Variants in SGCZ observed in about 807,000 individuals in gnomAD.
The protein encoded by SGCZ is sarcoglycan zeta.
Under a neutral mutation model 41.3 loss-of-function variants are expected in SGCZ, and 40 were observed. The observed-to-expected ratio is 0.97, with a 90% CI of 0.75 to 1.26. SGCZ has a LOEUF of 1.26. SGCZ is among the 50% of genes most tolerant of loss of function. The pLI, the probability that SGCZ is intolerant of heterozygous loss-of-function variation, is 0.00. For synonymous variants in SGCZ, 206 were observed against 137.5 expected, an observed-to-expected ratio of 1.50 and a Z score of -3.49; for missense variants, 552 against 369.8, an observed-to-expected ratio of 1.49 and a Z score of -4.04.
intron 7 of SGCZ, among the ~76,000 whole-genome samples, chr8:14,097,025 TTG>T (rs1304247221): frequency 6.6e-6 from 1 of 152,036 alleles, no homozygotes; most frequent in Non-Finnish European, 1.5e-5. Flanking sequence ...GCGGTCTATT[TTG>T]TTGATCTTTT....
Position 14,822,943 on chromosome 8 carries a change from G to A in SGCZ, c.40-268017C>T, listed in dbSNP as rs576147734. ...GTGCCATGCCACTATAACCCCAGCT[G>A]CTTGGCTGGCTGAGGCAGGAGAATT... is the stretch of plus-strand genomic sequence containing the variant. On this transcript the variant is annotated intron_variant, in intron 1 of 7. Coordinates refer to ENST00000382080, the MANE Select transcript of SGCZ (RefSeq NM_139167.4). Among the ~76,000 whole-genome samples, 5 of 151,522 alleles carry A rather than the reference G, an allele frequency of 3.3e-5. No individual in the cohort carries two copies. In the South Asian group the frequency reaches 1.0e-3, roughly 32 times the overall value.
intron 4 of SGCZ, among the ~76,000 whole-genome samples, chr8:14,209,098 G>C (rs1270650420): frequency 2.0e-5 from 3 of 152,208 alleles, no homozygotes; most frequent in Non-Finnish European, 2.9e-5. Context: ...CATGTATATA[G>C]TAAGAAGCAG....
chr8:14,184,117 G>A (rs1443629437), intron 4 of SGCZ, among the ~76,000 whole-genome samples: 1 of 152,046 alleles, frequency 6.6e-6, no homozygotes, highest in Non-Finnish European at 1.5e-5. Context: ...TTTATTCCAC[G>A]AGTAACAAAG....
intron 1 of SGCZ, among the ~76,000 whole-genome samples, chr8:14,661,022 T>C (rs1430459566): frequency 1.3e-5 from 2 of 152,176 alleles, no homozygotes; most frequent in Non-Finnish European, 2.9e-5. Context: ...AGCAGCTATA[T>C]TTAGAGGGTT....
rs539755754 is a variant in SGCZ, at chr8:14,594,645, C to T, written c.40-39719G>A. Among the ~76,000 whole-genome samples the T allele has an allele frequency of 5.1e-4, 78 of 151,836 alleles. 1 individual carries two copies. The highest frequency in any genetic ancestry group is 9.1e-4 in the Non-Finnish European group (62 of 67,988). On this transcript the variant is annotated intron_variant, in intron 1 of 7. Transcript: ENST00000382080. ...TTCTCCTAATTGATGTATTTATTTG[C>T]GACTTTTCAGGCACTCTAAAAGGGC...
intron 1 of SGCZ, among the ~76,000 whole-genome samples, chr8:15,084,181 T>A (rs1805864643): frequency 6.6e-6 from 1 of 152,224 alleles, no homozygotes; most frequent in South Asian, 2.1e-4. Context: ...TCTGTTAATG[T>A]TCTTCAGATC....
rs576034333 is a variant in SGCZ, at chr8:14,668,328, A to T, written c.40-113402T>A. 3.3e-5 allele frequency among the ~76,000 whole-genome samples: 5 copies of T among 151,876 alleles called. No individual in the cohort carries two copies. The East Asian group carries it at 9.7e-4, about 29-fold the overall frequency. On this transcript the variant is annotated intron_variant, in intron 1 of 7. Transcript: ENST00000382080. Reference sequence around the variant, plus strand: ...AATCTCTGTGGTGATTATATCCCACACTTGAATATATGGTTTTTTCAGTCA... The same window carrying T: ...AATCTCTGTGGTGATTATATCCCACTCTTGAATATATGGTTTTTTCAGTCA...
intron 1 of SGCZ, among the ~76,000 whole-genome samples, chr8:14,941,109 A>G (rs1000683203): frequency 9.9e-5 from 15 of 152,132 alleles, no homozygotes; most frequent in African/African-American, 3.6e-4. Context: ...GTTAACATAC[A>G]GCATTGGTGA....
chr8:14,206,756 A>T (rs973974703), intron 4 of SGCZ, among the ~76,000 whole-genome samples: 1 of 152,184 alleles, frequency 6.6e-6, no homozygotes, highest in African/African-American at 2.4e-5. Flanking sequence ...ACCTGCTGTT[A>T]GGAATGGCCA....
chr8:15,159,306 C>A (rs941018287), intron 1 of SGCZ, among the ~76,000 whole-genome samples: 1 of 151,584 alleles, frequency 6.6e-6, no homozygotes. Flanking sequence ...CACATGTATC[C>A]TTTCTAGTAT....
intron 3 of SGCZ, among the ~76,000 whole-genome samples, chr8:14,291,753 A>G (rs1005292053): frequency 6.6e-6 from 1 of 152,030 alleles, no homozygotes; most frequent in African/African-American, 2.4e-5. Context: ...TTGTGTGCAC[A>G]CTTTTCTATT....
chr8:14,605,939 A>G (rs1244564725), intron 1 of SGCZ, among the ~76,000 whole-genome samples: 1 of 152,124 alleles, frequency 6.6e-6, no homozygotes, highest in Non-Finnish European at 1.5e-5. Flanking sequence ...CCCTTTATAT[A>G]TAATTAAATA....
chr8:14,104,593 G>A (rs1488549141), intron 6 of SGCZ, among the ~76,000 whole-genome samples: 1 of 152,124 alleles, frequency 6.6e-6, no homozygotes, highest in South Asian at 2.1e-4. Flanking sequence ...GGAAAGGAAA[G>A]AAAGCAAATA....
chr8:14,409,730 T>C (rs1350772363), intron 2 of SGCZ, among the ~76,000 whole-genome samples: 2 of 152,132 alleles, frequency 1.3e-5, no homozygotes, highest in Non-Finnish European at 2.9e-5. Context: ...CAATCCCTCT[T>C]GTAGTCTTAA....
At chr8:15,189,578 T>TG (rs1800464974) in intron 1 of SGCZ, among the ~76,000 whole-genome samples, 1 of 151,918 alleles carries the variant, frequency 6.6e-6, no homozygotes, top group Non-Finnish European at 1.5e-5. Flanking sequence ...TTTTTTTTTT[T>TG]GAGATAGAGT....
chr8:14,589,765 C>T (rs1805182126), intron 1 of SGCZ, among the ~76,000 whole-genome samples: 1 of 152,104 alleles, frequency 6.6e-6, no homozygotes, highest in Admixed American at 6.6e-5. Flanking sequence ...AACTATTCTA[C>T]TAGGGAGATG....
rs532621147 is a variant in SGCZ, at chr8:14,863,941, C to A, written c.40-309015G>T. Reference sequence around the variant, plus strand: ...TGGAAGAAATGACCAGAACTTTGTTCGGTACAAAATAATTCCAAAGACATT... The same window carrying A: ...TGGAAGAAATGACCAGAACTTTGTTAGGTACAAAATAATTCCAAAGACATT... On this transcript the variant is annotated intron_variant, in intron 1 of 7. Coordinates refer to ENST00000382080, the MANE Select transcript of SGCZ (RefSeq NM_139167.4). Among the ~76,000 whole-genome samples, 10 of 152,130 alleles carry A rather than the reference C, an allele frequency of 6.6e-5. No homozygotes were observed. The East Asian group carries it at 1.4e-3, about 21-fold the overall frequency.
At chr8:14,380,895 TAAAGTAA>T (rs930131374) in intron 2 of SGCZ, among the ~76,000 whole-genome samples, 2 of 152,118 alleles carry the variant, frequency 1.3e-5, no homozygotes, top group African/African-American at 4.8e-5. Context: ...TGTAATTGTG[TAAAGTAA>T]AAAGTAAAAC....
Position 14,320,227 on chromosome 8 carries a change from T to A in SGCZ, c.336+3876A>T, listed in dbSNP as rs1801870747. Among the ~76,000 whole-genome samples the A allele has an allele frequency of 2.0e-5, 3 of 151,544 alleles. 1 individual carries two copies. The South Asian group carries it at 6.3e-4, about 32-fold the overall frequency. ...ATCTGCATTAAAAATGTAAATATAA[T>A]ATGATAATGATAACCATGATAATAC... is the stretch of plus-strand genomic sequence containing the variant. On this transcript the variant is annotated intron_variant, in intron 3 of 7. Transcript: ENST00000382080.
Sources: allele counts gnomAD v4.1 joint callset (sites outside exome capture counted in the v4.1 genomes callset), GRCh38; gene constraint gnomAD v4.1.1; transcripts MANE v1.5; gene names NCBI Gene and HGNC (gene_info 2026-07-23, HGNC 2026-07-21).